The following PLXNA2 variants were observed in gnomAD, a reference collection of about 807,000 sequenced individuals.
PLXNA2 encodes the protein plexin A2.
PLXNA2 carries 91 observed loss-of-function variants against 193.5 expected under a neutral mutation model. The ratio of observed to expected loss-of-function variants is 0.47; its 90% confidence interval spans 0.40 to 0.56. PLXNA2 has a LOEUF of 0.56. Among genes scored for constraint, PLXNA2 ranks in the 20% least tolerant of loss-of-function variants. The pLI, the probability that PLXNA2 is intolerant of heterozygous loss-of-function variation, is 0.00. For missense variants in PLXNA2, 1,995 were observed against 2,503.2 expected, an observed-to-expected ratio of 0.80 and a Z score of 4.33; for synonymous variants, 997 against 1,027.3, an observed-to-expected ratio of 0.97 and a Z score of 0.56.
chr1:208,058,034 C>T (rs1479214040), intron 13 of PLXNA2, among the ~76,000 whole-genome samples: 2 of 152,314 alleles, frequency 1.3e-5, no homozygotes, highest in East Asian at 3.9e-4. Context: ...CACCAGTCTC[C>T]TGGAATGCAA....
At chr1:208,205,256 C>T (rs1670680854) in intron 3 of PLXNA2, among the ~76,000 whole-genome samples, 1 of 152,240 alleles carries the variant, frequency 6.6e-6, no homozygotes, top group African/African-American at 2.4e-5. Flanking sequence ...ACTCTTCCTC[C>T]ATCTCCATCT....
chr1:208,157,864 C>T (rs1249663855), intron 3 of PLXNA2, among the ~76,000 whole-genome samples: 1 of 152,206 alleles, frequency 6.6e-6, no homozygotes, highest in Non-Finnish European at 1.5e-5. Context: ...CCAAGAGATT[C>T]TTCTCATAGG....
chr1:208,038,967 G>T lies in PLXNA2; in HGVS notation c.4518C>A (p.Asn1506Lys), dbSNP rs1558158668. ...TCTCTGGACTGTTCTCGTTGTCAGG[G>T]TTGACGCAGTTCAGGATCTACAAGT... Reference protein sequence around the residue: ...EYKTLILNCVNPDNENSPEIP... With the variant: ...EYKTLILNCVKPDNENSPEIP... Residue 1506 changes from asparagine to lysine, a missense_variant, in exon 25 of 32, where the codon AAC becomes AAA. Around this residue, in one of 3 missense-constraint regions of PLXNA2, gnomAD observed 1,291 missense variants for 1,673.6 expected, o/e 0.77. Transcript: ENST00000367033. The surrounding 1 kb of genome is among the most constrained non-coding windows in gnomAD (Gnocchi z 4.1). The T allele has an allele frequency of 6.2e-7, 1 of 1,614,016 alleles. No homozygotes were observed. Among genetic ancestry groups the T allele is most frequent in the East Asian group, 2.2e-5 (1 of 44,862 alleles).
intron 3 of PLXNA2, among the ~76,000 whole-genome samples, chr1:208,163,510 A>T (rs1669200619): frequency 6.6e-6 from 1 of 152,146 alleles, no homozygotes; most frequent in Non-Finnish European, 1.5e-5. Context: ...TTTGCCTGGG[A>T]TGGCTGGTGG....
At chr1:208,105,956 G>A (rs899432793) in intron 4 of PLXNA2, among the ~76,000 whole-genome samples, 1 of 152,176 alleles carries the variant, frequency 6.6e-6, no homozygotes, top group African/African-American at 2.4e-5. Context: ...AGTGTCTCCA[G>A]CAACAAAGCC....
chr1:208,205,480 T>A (rs114242603), intron 3 of PLXNA2, among the ~76,000 whole-genome samples: 3,322 of 152,280 alleles, frequency 0.022, 106 homozygotes, highest in African/African-American at 0.073. Flanking sequence ...AGGGGCTTTC[T>A]GCTACACTAA....
chr1:208,132,761 T>TACC (rs1668197575), intron 4 of PLXNA2, among the ~76,000 whole-genome samples: 1 of 152,172 alleles, frequency 6.6e-6, no homozygotes, highest in Non-Finnish European at 1.5e-5. Context: ...TTACTACTAC[T>TACC]ACCATTTACT....
intron 3 of PLXNA2, among the ~76,000 whole-genome samples, chr1:208,165,534 C>G (rs992661684): frequency 6.6e-6 from 1 of 152,198 alleles, no homozygotes; most frequent in Non-Finnish European, 1.5e-5. Context: ...CCTCCATTCT[C>G]TCCACGATTT....
rs907726706 is a variant in PLXNA2 at position 208,028,684 on chromosome 1, G to A, written c.5438+146C>T. 3.7e-5 allele frequency: 25 copies of A among 684,914 alleles called. No homozygotes were observed. The highest frequency in any genetic ancestry group is 1.5e-4 in the Admixed American group (5 of 34,016). The allele number at this position is 684,914 out of a possible 1,614,324, so 42.4% of individuals were successfully genotyped here. ...CGGGCACAAAGCCACCCTTCCTCCCGCAGCAGGGGGTGTGGCAGGGAGGGG... is the reference window on the plus strand; with the variant it reads ...CGGGCACAAAGCCACCCTTCCTCCCACAGCAGGGGGTGTGGCAGGGAGGGG... On this transcript the variant is annotated intron_variant, in intron 30 of 31. Transcript: ENST00000367033. This position sits in a 1 kb window ranked among gnomAD's most constrained non-coding sequence, Gnocchi z 4.2.
chr1:208,240,181 C>T (rs921730843), intron 1 of PLXNA2, among the ~76,000 whole-genome samples: 1 of 152,210 alleles, frequency 6.6e-6, no homozygotes, highest in African/African-American at 2.4e-5. Flanking sequence ...AAAGAACTTT[C>T]TCGCCTCTAT....
intron 7 of PLXNA2, 63 bp downstream of exon 7, chr1:208,096,667 C>T: frequency 1.3e-6 from 2 of 1,571,994 alleles, no homozygotes; most frequent in Non-Finnish European, 1.7e-6. Flanking sequence ...GTTCTTGTGA[C>T]CCCCAGCTCC....
chr1:208,218,220 C>CT lies in PLXNA2; in HGVS notation c.-80-219dup, dbSNP rs1236336399. ...TAGCCTTTATGCTATAAAATACTTG[C>CT]TTTTTTTAAAATTTTATTTTACAAA... On this transcript the variant is annotated intron_variant, in intron 1 of 31. Transcript: ENST00000367033. 1.4e-5 allele frequency: 7 copies of CT among 508,672 alleles called. No homozygotes were observed. The Admixed American group carries it at 1.8e-4, about 13-fold the overall frequency. The allele number at this position is 508,672 out of a possible 1,614,324, so 31.5% of individuals were successfully genotyped here.
chr1:208,212,103 A>T (rs888125879), intron 2 of PLXNA2, among the ~76,000 whole-genome samples: 1 of 152,146 alleles, frequency 6.6e-6, no homozygotes, highest in African/African-American at 2.4e-5. Context: ...ATCCCAGAGG[A>T]GGAAGGAAAT....
intron 1 of PLXNA2, among the ~76,000 whole-genome samples, chr1:208,228,236 G>C (rs1472747640): frequency 1.3e-5 from 2 of 152,104 alleles, no homozygotes; most frequent in Non-Finnish European, 2.9e-5. Context: ...AGTGCTCTAG[G>C]GACAAGGATC....
intron 4 of PLXNA2, among the ~76,000 whole-genome samples, chr1:208,110,644 A>G (rs1473968544): frequency 6.6e-6 from 1 of 152,186 alleles, no homozygotes; most frequent in Non-Finnish European, 1.5e-5. Context: ...CATTTTACCT[A>G]TTAGAAAACT....
intron 1 of PLXNA2, among the ~76,000 whole-genome samples, chr1:208,226,419 T>C (rs1671512834): frequency 2.0e-5 from 3 of 152,194 alleles, no homozygotes; most frequent in Admixed American, 2.0e-4. Context: ...CCCAGGGCCT[T>C]AGCAAAACAT....
chr1:208,211,681 A>G (rs542491455), intron 2 of PLXNA2, among the ~76,000 whole-genome samples: 11 of 139,554 alleles, frequency 7.9e-5, no homozygotes, highest in African/African-American at 2.3e-4. Flanking sequence ...CGGCAGAACG[A>G]GACTCCGTCT....
Position 208,227,281 on chromosome 1 carries a change from C to T in PLXNA2, c.-80-9279G>A, listed in dbSNP as rs567928909. 2.6e-5 allele frequency among the ~76,000 whole-genome samples: 4 copies of T among 152,272 alleles called. No individual in the cohort carries two copies. In the South Asian group the frequency reaches 8.3e-4, roughly 32 times the overall value. On this transcript the variant is annotated intron_variant, in intron 1 of 31. Coordinates refer to ENST00000367033, the MANE Select transcript of PLXNA2 (RefSeq NM_025179.4). ...TACTATTATTATTATTTATTAACCA[C>T]CTGCTACATGACACGCTATGCTACA...
intron 17 of PLXNA2, among the ~76,000 whole-genome samples, chr1:208,046,697 A>G (rs1400081519): frequency 6.6e-6 from 1 of 151,114 alleles, no homozygotes; most frequent in African/African-American, 2.4e-5. Flanking sequence ...AAGGAGAGGG[A>G]GGGGGAAGGG....
Sources: gnomAD v4.1 joint callset for allele counts (sites outside exome capture counted in the v4.1 genomes callset) on GRCh38, gnomAD v4.1.1 for gene constraint, gnomAD v4.1.1 regional missense constraint, Gnocchi (gnomAD v3.1) non-coding constraint, MANE v1.5 for transcripts, NCBI Gene and HGNC (gene_info 2026-07-23, HGNC 2026-07-21) for gene names.